KCNMB4: variants seen among roughly 807,000 people sequenced by gnomAD.
KCNMB4 encodes potassium calcium-activated channel subfamily M regulatory beta subunit 4.
A neutral mutation model predicts 20.7 loss-of-function variants in KCNMB4; 3 were observed. The observed-to-expected ratio is 0.14, with a 90% confidence interval of 0.07 to 0.37. KCNMB4 has a LOEUF of 0.37. Among genes scored for constraint, KCNMB4 ranks in the 10% least tolerant of loss-of-function variants. The probability of loss-of-function intolerance (pLI) is 1.00; values close to 1 mark genes in which losing one functional copy is unlikely to be tolerated. For synonymous variants in KCNMB4, 110 were observed against 113.4 expected (o/e 0.97, Z 0.19); for missense variants, 168 against 265.9 (o/e 0.63, Z 2.56).
intron 1 of KCNMB4, among the ~76,000 whole-genome samples, chr12:70,368,949 T>C (rs1031469255): frequency 4.6e-5 from 7 of 152,210 alleles, no homozygotes; most frequent in African/African-American, 7.2e-5. Context: ...CTTTATGTAA[T>C]ACTAAAATTT....
At chr12:70,374,957 A>G in intron 1 of KCNMB4, among the ~76,000 whole-genome samples, 1 of 152,306 alleles carries the variant, frequency 6.6e-6, no homozygotes, top group African/African-American at 2.4e-5. Context: ...TCTTTATCCA[A>G]ACAGTTTTAT....
chr12:70,369,814 T>G (rs1350181725), intron 1 of KCNMB4, among the ~76,000 whole-genome samples: 2 of 152,238 alleles, frequency 1.3e-5, no homozygotes, highest in South Asian at 4.1e-4. Flanking sequence ...AATCATATCC[T>G]TATTGTCTAA....
At chr12:70,389,074 C>T (rs11612513) in intron 1 of KCNMB4, among the ~76,000 whole-genome samples, 1 of 151,774 alleles carries the variant, frequency 6.6e-6, no homozygotes, top group Non-Finnish European at 1.5e-5. Flanking sequence ...ATGGACTTAG[C>T]TTTCTTGCAC....
chr12:70,400,960 C>A (rs1455657638), intron 2 of KCNMB4, among the ~76,000 whole-genome samples: 1 of 152,164 alleles, frequency 6.6e-6, no homozygotes, highest in African/African-American at 2.4e-5. Flanking sequence ...TTACCAAATC[C>A]AGAAACCTTT....
At chr12:70,394,052 A>C (rs767375806) in intron 1 of KCNMB4, among the ~76,000 whole-genome samples, 5 of 152,194 alleles carry the variant, frequency 3.3e-5, no homozygotes, top group Non-Finnish European at 5.9e-5. Flanking sequence ...GTCACAAAGC[A>C]CTTTGTAAAT....
chr12:70,410,377 C>G (rs1210909107), intron 2 of KCNMB4, among the ~76,000 whole-genome samples: 1 of 152,230 alleles, frequency 6.6e-6, no homozygotes, highest in African/African-American at 2.4e-5. Flanking sequence ...TCTGCAGTCC[C>G]ACACTGCCAT....
At chr12:70,430,429 T>G (rs771808292) in intron 2 of KCNMB4, 56 bp from the exon 3 acceptor site, 1 of 1,589,094 alleles carries the variant, frequency 6.3e-7, no homozygotes, top group Non-Finnish European at 8.6e-7. Context: ...GTAAAGAGTT[T>G]TTCAGTGCCA....
chr12:70,381,031 G>A (rs1309258530), intron 1 of KCNMB4, among the ~76,000 whole-genome samples: 1 of 150,674 alleles, frequency 6.6e-6, no homozygotes, highest in African/African-American at 2.4e-5. Context: ...AGAAAATAAT[G>A]AAGAATGCTT....
intron 1 of KCNMB4, among the ~76,000 whole-genome samples, chr12:70,376,607 C>G (rs1883690599): frequency 6.6e-6 from 1 of 151,954 alleles, no homozygotes; most frequent in Non-Finnish European, 1.5e-5. Flanking sequence ...ATGTCTCACG[C>G]CTGTAATCCC....
intron 2 of KCNMB4, among the ~76,000 whole-genome samples, chr12:70,412,680 CT>C (rs1252125401): frequency 2.0e-5 from 3 of 151,988 alleles, no homozygotes; most frequent in Admixed American, 1.3e-4. Context: ...AAAGAAAAAA[CT>C]TTGTTTTTAC....
chr12:70,399,597 A>C (rs368767804), intron 1 of KCNMB4, among the ~76,000 whole-genome samples: 1 of 152,320 alleles, frequency 6.6e-6, no homozygotes, highest in Middle Eastern at 3.4e-3. Context: ...CTTAATCTAT[A>C]TTGCTTACGA....
In KCNMB4 at chr12:70,366,642, C is replaced by T; in HGVS notation, c.-93C>T. ...TGCTGTCGCGCGGCGGCGGCGGTGG[C>T]GGCGGCGGCTCCTCCCGCCCGAGGC... On this transcript the variant is annotated 5_prime_UTR_variant, in exon 1 of 3. Coordinates refer to ENST00000258111, the MANE Select transcript of KCNMB4 (RefSeq NM_014505.6). The T allele has an allele frequency of 2.3e-6, 2 of 854,408 alleles. No individual in the cohort carries two copies. The highest frequency in any genetic ancestry group is 4.8e-5 in the East Asian group (1 of 20,882). The allele number at this position is 854,408 out of a possible 1,614,324, so 52.9% of individuals were successfully genotyped here.
At chr12:70,396,471 A>G (rs1458192644) in intron 1 of KCNMB4, among the ~76,000 whole-genome samples, 1 of 151,990 alleles carries the variant, frequency 6.6e-6, no homozygotes, top group Non-Finnish European at 1.5e-5. Context: ...ACGCCCTGCT[A>G]ATTTTTGTAT....
At chr12:70,425,806 A>T (rs932273214) in intron 2 of KCNMB4, among the ~76,000 whole-genome samples, 41 of 152,232 alleles carry the variant, frequency 2.7e-4, no homozygotes, top group Admixed American at 1.6e-3. Context: ...TTTGCTCTTC[A>T]GCCATTGTCA....
Position 70,431,102 on chromosome 12 carries a change from T to A in KCNMB4, c.*449T>A, listed in dbSNP as rs950445282. The A allele has an allele frequency of 1.3e-5, 2 of 152,242 alleles. No individual in the cohort carries two copies. The highest frequency in any genetic ancestry group is 2.9e-5 in the Non-Finnish European group (2 of 68,108). The allele number at this position is 152,242 out of a possible 1,614,324, so 9.4% of individuals were successfully genotyped here. On this transcript the variant is annotated 3_prime_UTR_variant, in exon 3 of 3. Coordinates refer to ENST00000258111, the MANE Select transcript of KCNMB4 (RefSeq NM_014505.6). ...AGGACATCTGGGTCTCATTTGCTTC[T>A]GCTAGGTTAAACTTTTACTTGACAA...
At chr12:70,402,543 C>T (rs1868481679) in intron 2 of KCNMB4, among the ~76,000 whole-genome samples, 1 of 148,660 alleles carries the variant, frequency 6.7e-6, no homozygotes, top group South Asian at 2.1e-4. Context: ...ACTCAGGAAG[C>T]TAACATGGGA....
At chr12:70,387,028 G>A (rs1868263047) in intron 1 of KCNMB4, among the ~76,000 whole-genome samples, 1 of 152,206 alleles carries the variant, frequency 6.6e-6, no homozygotes, top group Non-Finnish European at 1.5e-5. Flanking sequence ...GGGTCAGTCA[G>A]AGGGAGACAT....
chr12:70,395,027 A>G (rs781736584), intron 1 of KCNMB4, among the ~76,000 whole-genome samples: 2 of 152,084 alleles, frequency 1.3e-5, no homozygotes, highest in Non-Finnish European at 2.9e-5. Context: ...TTCTGATTAT[A>G]TGCTCATACT....
intron 1 of KCNMB4, among the ~76,000 whole-genome samples, chr12:70,373,893 G>C (rs1593320489): frequency 6.6e-6 from 1 of 152,242 alleles, no homozygotes; most frequent in East Asian, 1.9e-4. Flanking sequence ...GGCTGAGGAG[G>C]GAGGATTACT....
Sources: gnomAD v4.1 joint callset for allele counts (sites outside exome capture counted in the v4.1 genomes callset) on GRCh38, gnomAD v4.1.1 for gene constraint, MANE v1.5 for transcripts, NCBI Gene and HGNC (gene_info 2026-07-23, HGNC 2026-07-21) for gene names.